The following LRBA variants were observed in gnomAD, a reference collection of about 807,000 sequenced individuals.
The protein encoded by LRBA is LPS responsive beige-like anchor protein, also known as lipopolysaccharide-responsive and beige-like anchor protein.
A neutral mutation model predicts 330.0 loss-of-function variants in LRBA; 176 were observed. The observed-to-expected ratio is 0.53, with a 90% CI of 0.47 to 0.60. The LOEUF (loss-of-function observed/expected upper bound fraction) is 0.60, where lower values mean the gene tolerates loss of function less well. Ranked by LOEUF, LRBA falls within the 20% of genes least tolerant of loss-of-function variation. The pLI is 0.00. For synonymous variants in LRBA, 1,230 were observed against 1,193.0 expected (o/e 1.03, Z -0.64); for missense variants, 3,259 against 3,444.8 (o/e 0.95, Z 1.35).
At chr4:150,333,343 C>T (rs1734233101) in intron 48 of LRBA, among the ~76,000 whole-genome samples, 1 of 151,676 alleles carries the variant, frequency 6.6e-6, no homozygotes, top group Admixed American at 6.6e-5. Context: ...ATTTTATCAC[C>T]TACATATTTA....
intron 48 of LRBA, among the ~76,000 whole-genome samples, chr4:150,343,515 T>C (rs1219373528): frequency 1.3e-5 from 2 of 152,214 alleles, no homozygotes; most frequent in East Asian, 3.8e-4. Flanking sequence ...TAGTAATGAA[T>C]AAAAGGATAA....
chr4:150,425,565 T>G (rs151163702), intron 46 of LRBA, among the ~76,000 whole-genome samples: 46 of 152,346 alleles, frequency 3.0e-4, no homozygotes, highest in African/African-American at 1.1e-3. Context: ...GGATTGGTTG[T>G]GACCACACAT....
intron 2 of LRBA, among the ~76,000 whole-genome samples, chr4:150,979,698 T>A (rs761231513): frequency 2.0e-5 from 3 of 152,194 alleles, no homozygotes; most frequent in Non-Finnish European, 4.4e-5. Context: ...TTTAAAATAA[T>A]AAGTTATAAG....
rs143458387 is a variant in LRBA at position 150,726,703 on chromosome 4, G to A, written c.5754+8555C>T. On this transcript the variant is annotated intron_variant, in intron 36 of 56. Transcript: ENST00000651943. ...AGATCTCATGAGAACTCACTATTAC[G>A]AGAACATCATGGAAGAAACTGCCCC... 6.1e-3 allele frequency among the ~76,000 whole-genome samples: 932 copies of A among 152,150 alleles called. 8 individuals are homozygous for A. Among genetic ancestry groups the A allele is most frequent in the African/African-American group, 0.021 (885 of 41,498 alleles).
chr4:150,475,627 T>C (rs910158996), intron 42 of LRBA, among the ~76,000 whole-genome samples: 20 of 152,000 alleles, frequency 1.3e-4, no homozygotes, highest in Non-Finnish European at 1.5e-5. Context: ...CTGGGCTTGG[T>C]GGTTCACACC....
chr4:150,384,563 A>T (rs1018202514), intron 47 of LRBA, among the ~76,000 whole-genome samples: 2 of 152,188 alleles, frequency 1.3e-5, no homozygotes, highest in African/African-American at 4.8e-5. Context: ...CTTTAAACTT[A>T]GACCCAGCAT....
At chr4:150,856,170 T>C (rs1751209026) in intron 22 of LRBA, among the ~76,000 whole-genome samples, 1 of 152,148 alleles carries the variant, frequency 6.6e-6, no homozygotes, top group Non-Finnish European at 1.5e-5. Flanking sequence ...AATCTTCAGG[T>C]GATTCACATT....
chr4:150,419,118 G>A lies in LRBA; in HGVS notation c.7042-3528C>T, dbSNP rs188456691. Among the ~76,000 whole-genome samples, 28 of 152,274 alleles carry A rather than the reference G, an allele frequency of 1.8e-4. 1 individual carries two copies. The highest frequency in any genetic ancestry group is 5.5e-4 in the African/African-American group (23 of 41,560). ...CACTGCTAGGCTAATGCAGTCCTAA[G>A]AGAATTCAGTTTGGTAAATGGAGTA... On this transcript the variant is annotated intron_variant, in intron 46 of 56. Coordinates refer to ENST00000651943, the MANE Select transcript of LRBA (RefSeq NM_001364905.1).
intron 44 of LRBA, among the ~76,000 whole-genome samples, chr4:150,442,196 G>A (rs2152006790): frequency 6.6e-6 from 1 of 152,190 alleles, no homozygotes; most frequent in Admixed American, 6.5e-5. Flanking sequence ...AGTCTCAAGG[G>A]AGTTTTTCAC....
At chr4:150,920,267 G>C (rs1733098409) in intron 5 of LRBA, among the ~76,000 whole-genome samples, 1 of 152,134 alleles carries the variant, frequency 6.6e-6, no homozygotes, top group Admixed American at 6.6e-5. Flanking sequence ...GTTTGTCTTG[G>C]GCCGGGCGTG....
Position 150,905,871 on chromosome 4 carries a change from A to G in LRBA, c.1722T>C (p.Leu574=). 6.2e-7 allele frequency: 1 copy of G among 1,613,646 alleles called. No individual in the cohort carries two copies. Among genetic ancestry groups the G allele is most frequent in the Non-Finnish European group, 8.5e-7 (1 of 1,179,638 alleles). ...LLKQLCDHVL[L]NPAIWIHTPA... ...GGGTATGAATCCATATGGCAGGATT[A>G]AGAAGAACGTGATCACACAATTGCT... The change falls in exon 13 of 57, where the codon CTT becomes CTC. Residue 574 remains leucine, a synonymous_variant. Coordinates refer to ENST00000651943, the MANE Select transcript of LRBA (RefSeq NM_001364905.1).
intron 34 of LRBA, among the ~76,000 whole-genome samples, chr4:150,769,845 G>A (rs1736307715): frequency 6.6e-6 from 1 of 152,186 alleles, no homozygotes; most frequent in Admixed American, 6.5e-5. Context: ...ACCAAATGAA[G>A]ATTAATAACA....
chr4:150,506,613 C>T (rs896070648), intron 40 of LRBA, among the ~76,000 whole-genome samples: 3 of 152,174 alleles, frequency 2.0e-5, no homozygotes, highest in East Asian at 1.9e-4. Context: ...AAACCCACAG[C>T]CAATATCATA....
chr4:150,814,394 G>A (rs921586252), intron 31 of LRBA, among the ~76,000 whole-genome samples: 1 of 151,870 alleles, frequency 6.6e-6, no homozygotes, highest in Non-Finnish European at 1.5e-5. Flanking sequence ...GTAAGAAGCA[G>A]GACAACCAAA....
chr4:150,967,835 A>T (rs1224556409), intron 2 of LRBA, among the ~76,000 whole-genome samples: 1 of 152,124 alleles, frequency 6.6e-6, no homozygotes, highest in Non-Finnish European at 1.5e-5. Context: ...AAGATAGTGA[A>T]CTTAATAAAT....
chr4:150,603,909 G>C (rs1339403753), intron 37 of LRBA, among the ~76,000 whole-genome samples: 1 of 152,006 alleles, frequency 6.6e-6, no homozygotes, highest in Admixed American at 6.6e-5. Flanking sequence ...CAATAGATAG[G>C]CTATTTATTC....
chr4:150,709,832 T>C lies in LRBA; in HGVS notation c.5754+25426A>G, dbSNP rs1344185288. ...TTGGGTGATTGGTGGGGGTAAAGGA[T>C]GAGAGGCAGAGAAGGCTTCTGTGTA... On this transcript the variant is annotated intron_variant, in intron 36 of 56. Transcript: ENST00000651943. Among the ~76,000 whole-genome samples the C allele has an allele frequency of 2.0e-5, 3 of 151,948 alleles. No individual in the cohort carries two copies. The East Asian group carries it at 5.8e-4, about 29-fold the overall frequency.
intron 40 of LRBA, among the ~76,000 whole-genome samples, chr4:150,492,064 C>T (rs571964412): frequency 1.1e-4 from 17 of 151,220 alleles, no homozygotes; most frequent in African/African-American, 2.9e-4. Context: ...GGTAAAATAA[C>T]GAGTAGTAAA....
chr4:150,923,158 A>G (rs1214760378), intron 4 of LRBA, among the ~76,000 whole-genome samples: 3 of 149,252 alleles, frequency 2.0e-5, no homozygotes, highest in Non-Finnish European at 4.5e-5. Context: ...TACTGAATGC[A>G]TATCACTTTC....
Sources: allele counts gnomAD v4.1 joint callset (sites outside exome capture counted in the v4.1 genomes callset), GRCh38; gene constraint gnomAD v4.1.1; transcripts MANE v1.5; gene names NCBI Gene and HGNC (gene_info 2026-07-23, HGNC 2026-07-21).